The following DCLRE1C variants were observed in gnomAD, a reference collection of about 807,000 sequenced individuals.
The protein encoded by DCLRE1C is protein artemis.
Under a neutral mutation model 61.4 loss-of-function variants are expected in DCLRE1C, and 47 were observed. That is an observed-to-expected ratio of 0.77 (90% CI 0.61 to 0.98). The LOEUF (loss-of-function observed/expected upper bound fraction) is 0.98. Ranked by LOEUF, DCLRE1C falls within the 50% of genes least tolerant of loss-of-function variation. The pLI, the probability that DCLRE1C is intolerant of heterozygous loss-of-function variation, is 0.00. For missense variants in DCLRE1C, 858 were observed against 816.0 expected (o/e 1.05, Z -0.63); for synonymous variants, 337 against 287.6 (o/e 1.17, Z -1.74).
At chr10:14,937,849 G>T (rs145997954) in intron 4 of DCLRE1C, among the ~76,000 whole-genome samples, 2 of 136,674 alleles carry the variant, frequency 1.5e-5, no homozygotes, top group African/African-American at 5.6e-5. Context: ...AGCCAAGATC[G>T]CCCTACTGCA....
At chr10:14,936,074 T>G (rs1193924881) in intron 5 of DCLRE1C, among the ~76,000 whole-genome samples, 1 of 152,142 alleles carries the variant, frequency 6.6e-6, no homozygotes, top group East Asian at 1.9e-4. Flanking sequence ...TTATACTTTT[T>G]GTAAAGTCAA....
At chr10:14,932,224 A>G (rs1325236131) in intron 9 of DCLRE1C, among the ~76,000 whole-genome samples, 1 of 152,124 alleles carries the variant, frequency 6.6e-6, no homozygotes, top group Non-Finnish European at 1.5e-5. Flanking sequence ...AATGTCTCGA[A>G]ATATATAAAT....
intron 12 of DCLRE1C, among the ~76,000 whole-genome samples, chr10:14,921,114 A>G (rs1250976330): frequency 1.3e-5 from 2 of 151,926 alleles, no homozygotes; most frequent in East Asian, 1.9e-4. Context: ...AGGTCAAGAG[A>G]TCAAGACCAT....
chr10:14,902,517 T>C (rs749545013), downstream of DCLRE1C: 6 of 1,543,144 alleles, frequency 3.9e-6, no homozygotes, highest in East Asian at 1.4e-4. Flanking sequence ...AACTGAACTT[T>C]TTCAGGAAAT....
intron 12 of DCLRE1C, among the ~76,000 whole-genome samples, 190 bp downstream of exon 12, chr10:14,922,791 T>C (rs1837329842): frequency 6.6e-6 from 1 of 152,100 alleles, no homozygotes. Context: ...CTGACAACAC[T>C]ACCTATACCT....
intron 4 of DCLRE1C, among the ~76,000 whole-genome samples, chr10:14,937,554 G>C (rs1289788968): frequency 6.6e-6 from 1 of 151,846 alleles, no homozygotes; most frequent in Non-Finnish European, 1.5e-5. Context: ...AAAGTGCTGG[G>C]ATTACAGGTG....
chr10:14,949,374 G>A (rs1226517144), intron 1 of DCLRE1C, among the ~76,000 whole-genome samples: 2 of 152,188 alleles, frequency 1.3e-5, no homozygotes, highest in Non-Finnish European at 2.9e-5. Context: ...AGAAGAATGA[G>A]AACTGCTTCT....
At chr10:14,947,251 C>T (rs1419564845) in intron 2 of DCLRE1C, among the ~76,000 whole-genome samples, 1 of 151,894 alleles carries the variant, frequency 6.6e-6, no homozygotes, top group African/African-American at 2.4e-5. Context: ...AAAAAACATG[C>T]CAAATGGTTC....
intron 13 of DCLRE1C, among the ~76,000 whole-genome samples, chr10:14,913,763 A>G (rs934241872): frequency 5.3e-5 from 8 of 152,234 alleles, no homozygotes; most frequent in African/African-American, 1.9e-4. Flanking sequence ...GATTTTAAGT[A>G]TATGGGAGGA....
intron 2 of DCLRE1C, among the ~76,000 whole-genome samples, chr10:14,945,728 G>A (rs549940263): frequency 2.3e-4 from 30 of 132,044 alleles, no homozygotes; most frequent in African/African-American, 6.8e-4. Context: ...GTGTGATCTC[G>A]TCTCACTGCA....
intron 13 of DCLRE1C, chr10:14,899,461 C>T (rs1367989883): frequency 8.3e-6 from 12 of 1,453,300 alleles, no homozygotes; most frequent in South Asian, 2.5e-5. Flanking sequence ...TGTAGGTATT[C>T]GCATATTAGT....
At chr10:14,919,341 G>A (rs1467796054) in intron 13 of DCLRE1C, among the ~76,000 whole-genome samples, 1 of 151,964 alleles carries the variant, frequency 6.6e-6, no homozygotes, top group Admixed American at 6.5e-5. Context: ...AAATGATGAT[G>A]AGAAAAGTCT....
At position 14,898,898 on chromosome 10, in the gene DCLRE1C, T is replaced by C. The variant is rs546475649; in HGVS notation, c.*266A>G. On this transcript the variant is annotated 3_prime_UTR_variant, in exon 14 of 14. Coordinates refer to the DCLRE1C transcript ENST00000378289. ...ATAGGAAAAATGTGCCTGGATCATA[T>C]TTAGAGCATATACTTGCAGATTTAG... 43 of 281,988 alleles carry C rather than the reference T, an allele frequency of 1.5e-4. No homozygotes were observed. In the South Asian group the frequency reaches 6.7e-3, roughly 44 times the overall value. 17.5% of individuals were successfully genotyped at this position (281,988 alleles called of 1,614,324 possible).
intron 11 of DCLRE1C, among the ~76,000 whole-genome samples, chr10:14,925,268 A>G (rs1837781853): frequency 1.3e-5 from 2 of 151,348 alleles, no homozygotes; most frequent in East Asian, 3.9e-4. Context: ...AGCCTATACC[A>G]GAAATGGTTC....
Position 14,908,165 on chromosome 10 carries a change from C to CTTTTTTTTTTTTT in DCLRE1C, c.*230_*242dup, listed in dbSNP as rs750020058. 3.9e-4 allele frequency: 78 copies of CTTTTTTTTTTTTT among 197,844 alleles called. 13 individuals are homozygous for CTTTTTTTTTTTTT. Among genetic ancestry groups the CTTTTTTTTTTTTT allele is most frequent in the African/African-American group, 1.5e-3 (29 of 19,480 alleles). The allele number at this position is 197,844 out of a possible 1,614,324, so 12.3% of individuals were successfully genotyped here. On this transcript the variant is annotated 3_prime_UTR_variant, in exon 14 of 14. Transcript: ENST00000378278. ...CAGAGTAGCCCACCACCATGCCTGG[C>CTTTTTTTTTTTTT]TTTTTTTTTTTTTTTTTTTTTTGTA...
chr10:14,906,193 C>G lies in DCLRE1C; in HGVS notation c.*2215G>C, dbSNP rs1834378794. Among the ~76,000 whole-genome samples the G allele has an allele frequency of 1.3e-5, 2 of 152,166 alleles. No homozygotes were observed. The highest frequency in any genetic ancestry group is 4.1e-4 in the South Asian group (2 of 4,826). On this transcript the variant is annotated 3_prime_UTR_variant, in exon 14 of 14. Coordinates refer to ENST00000378278, the MANE Select transcript of DCLRE1C (RefSeq NM_001033855.3). Reference sequence around the variant, plus strand: ...TAGCTATGTGAACTAACCTCTGTGCCTTTGTCTCATTTGTACATGGGGATT... The same window carrying G: ...TAGCTATGTGAACTAACCTCTGTGCGTTTGTCTCATTTGTACATGGGGATT...
At chr10:14,938,281 C>T (rs1000464585) in intron 4 of DCLRE1C, among the ~76,000 whole-genome samples, 15 of 152,184 alleles carry the variant, frequency 9.9e-5, no homozygotes, top group African/African-American at 2.9e-4. Flanking sequence ...GGCCACAGAC[C>T]ACCACAGTAT....
At chr10:14,923,150 A>G in intron 11 of DCLRE1C, 81 bp from the exon 12 acceptor site, 1 of 1,073,632 alleles carries the variant, frequency 9.3e-7, no homozygotes, top group Non-Finnish European at 1.4e-6. Flanking sequence ...GGCTGGGGAA[A>G]GAGAAGCAGA....
At chr10:14,932,420 G>A (rs749030889) in intron 9 of DCLRE1C, among the ~76,000 whole-genome samples, 1 of 151,998 alleles carries the variant, frequency 6.6e-6, no homozygotes, top group Non-Finnish European at 1.5e-5. Context: ...GGCGGATCAC[G>A]AGGTCAGGAG....
Sources: gnomAD v4.1 joint callset for allele counts (sites outside exome capture counted in the v4.1 genomes callset) on GRCh38, gnomAD v4.1.1 for gene constraint, MANE v1.5 for transcripts, NCBI Gene and HGNC (gene_info 2026-07-23, HGNC 2026-07-21) for gene names.